Variants in NEDD9 observed in about 807,000 individuals in gnomAD.
NEDD9 encodes neural precursor cell expressed, developmentally down-regulated 9.
NEDD9 carries 26 observed loss-of-function variants against 76.6 expected under a neutral mutation model. The observed-to-expected ratio is 0.34, with a 90% CI of 0.25 to 0.47. The LOEUF is 0.47. Among genes scored for constraint, NEDD9 ranks in the 20% least tolerant of loss-of-function variants. The pLI, the probability that NEDD9 is intolerant of heterozygous loss-of-function variation, is 1.00. For missense variants in NEDD9, 937 were observed against 1,058.5 expected (o/e 0.89, Z 1.59); for synonymous variants, 392 against 414.2 (o/e 0.95, Z 0.65).
intron 1 of NEDD9, among the ~76,000 whole-genome samples, chr6:11,215,736 A>T (rs1218275574): frequency 2.6e-5 from 4 of 152,206 alleles, no homozygotes; most frequent in Admixed American, 2.6e-4. Context: ...ACATGAAATC[A>T]GAAGCAACAG....
chr6:11,211,574 AT>A (rs1017059913), intron 2 of NEDD9, among the ~76,000 whole-genome samples: 3 of 152,094 alleles, frequency 2.0e-5, no homozygotes, highest in African/African-American at 7.2e-5. Context: ...TTCAACTGTT[AT>A]TTTTCCCCTC....
chr6:11,203,659 C>T (rs1758520837), intron 2 of NEDD9, among the ~76,000 whole-genome samples: 1 of 152,136 alleles, frequency 6.6e-6, no homozygotes, highest in South Asian at 2.1e-4. Context: ...CAATGAGTTC[C>T]AGGATGAAGT....
At position 11,190,175 on chromosome 6, in the gene NEDD9, T is replaced by C. The variant is rs139703680; in HGVS notation, c.1694A>G (p.His565Arg). The change falls in exon 5 of 7, where the codon CAT becomes CGT. Residue 565 changes from histidine (H) to arginine (R), a missense_variant. Coordinates refer to ENST00000379446, the MANE Select transcript of NEDD9 (RefSeq NM_006403.4). This position sits in a 1 kb window ranked among gnomAD's most constrained non-coding sequence, Gnocchi z 5.8. ...ALFRPGPGSLHLKNGPESIMN... is the reference protein window; with the variant it reads ...ALFRPGPGSLRLKNGPESIMN... ...GATGCTCTCCGGCCCATTCTTCAGA[T>C]GCAAGCTGCCAGGGCCGGGTCTGAA... 275 of 1,614,218 alleles carry C rather than the reference T, an allele frequency of 1.7e-4. 3 individuals carry two copies. The highest frequency in any genetic ancestry group is 6.7e-5 in the East Asian group (3 of 44,884).
intron 1 of NEDD9, among the ~76,000 whole-genome samples, chr6:11,338,014 G>T (rs931162054): frequency 7.2e-5 from 11 of 152,134 alleles, no homozygotes; most frequent in African/African-American, 2.7e-4. Flanking sequence ...CTCTGGGTAA[G>T]TGTCCCTTGG....
chr6:11,206,436 A>G (rs767359430), intron 2 of NEDD9, among the ~76,000 whole-genome samples: 2 of 152,146 alleles, frequency 1.3e-5, no homozygotes, highest in Non-Finnish European at 2.9e-5. Context: ...AAAAAAAAAG[A>G]TGTGTTCAAC....
intron 1 of NEDD9, among the ~76,000 whole-genome samples, chr6:11,372,084 T>G (rs1436641465): frequency 6.6e-6 from 1 of 152,212 alleles, no homozygotes; most frequent in African/African-American, 2.4e-5. Flanking sequence ...TTACTCATTC[T>G]TTCTATGACT....
intron 2 of NEDD9, among the ~76,000 whole-genome samples, chr6:11,323,412 C>T (rs1182601624): frequency 1.3e-5 from 2 of 152,232 alleles, no homozygotes; most frequent in Admixed American, 6.5e-5. Flanking sequence ...GTGGGAGTGG[C>T]GTCCTCTCAG....
At chr6:11,346,686 G>A (rs1762372482) in intron 1 of NEDD9, among the ~76,000 whole-genome samples, 1 of 152,188 alleles carries the variant, frequency 6.6e-6, no homozygotes, top group Admixed American at 6.5e-5. Context: ...TGGACTGACT[G>A]CTGGTTGAGC....
intron 2 of NEDD9, chr6:11,200,623 A>T: frequency 9.0e-7 from 1 of 1,112,160 alleles, no homozygotes; most frequent in Non-Finnish European, 1.1e-6. Context: ...AGATTTAATC[A>T]TTCCTAAATT....
At chr6:11,305,795 C>T (rs867727541) in intron 3 of NEDD9, 1 of 618,780 alleles carries the variant, frequency 1.6e-6, no homozygotes, top group East Asian at 2.8e-5. Context: ...GCCCTGTGGG[C>T]ATCAGTGCAT....
chr6:11,266,692 G>A (rs975840880), intron 3 of NEDD9, among the ~76,000 whole-genome samples: 3 of 152,232 alleles, frequency 2.0e-5, no homozygotes, highest in Non-Finnish European at 4.4e-5. Flanking sequence ...GGAATGGGAA[G>A]TTGTAACCAG....
chr6:11,357,844 C>T lies in NEDD9; in HGVS notation c.-213-23283G>A, dbSNP rs1014193380. Among the ~76,000 whole-genome samples, 7 of 152,262 alleles carry T rather than the reference C, an allele frequency of 4.6e-5. No individual in the cohort carries two copies. The South Asian group carries it at 1.0e-3, about 23-fold the overall frequency. ...CTTTTCTACGTCAGTTCTACAAGATCGGCCTAGCTGAATGGCAGTGAGTCT... is the reference window on the plus strand; with the variant it reads ...CTTTTCTACGTCAGTTCTACAAGATTGGCCTAGCTGAATGGCAGTGAGTCT... On this transcript the variant is annotated intron_variant, in intron 1 of 3. Coordinates refer to the NEDD9 transcript ENST00000397378.
At chr6:11,344,238 G>T (rs1232405513) in intron 1 of NEDD9, among the ~76,000 whole-genome samples, 2 of 152,134 alleles carry the variant, frequency 1.3e-5, no homozygotes, top group Admixed American at 6.5e-5. Flanking sequence ...GAATGTGAGC[G>T]CAATTCCACA....
rs541044673 is a variant in NEDD9, at chr6:11,365,804, A to C, written c.-214+16335T>G. ...TCAGGAATTCAAGACTAGCCTGGCC[A>C]ACATGGTGAAACCCTGTCTCTACTA... On this transcript the variant is annotated intron_variant, in intron 1 of 3. Coordinates refer to the NEDD9 transcript ENST00000397378. Among the ~76,000 whole-genome samples, 13 of 152,128 alleles carry C rather than the reference A, an allele frequency of 8.5e-5. No individual in the cohort carries two copies. In the South Asian group the frequency reaches 2.5e-3, roughly 29 times the overall value.
At chr6:11,379,913 C>G (rs946611840) in intron 1 of NEDD9, among the ~76,000 whole-genome samples, 10 of 152,178 alleles carry the variant, frequency 6.6e-5, no homozygotes, top group African/African-American at 2.4e-4. Flanking sequence ...TATTTGTGTT[C>G]CACACTTCAG....
intron 1 of NEDD9, among the ~76,000 whole-genome samples, chr6:11,381,660 C>T (rs1469570528): frequency 9.9e-5 from 15 of 152,282 alleles, no homozygotes; most frequent in East Asian, 9.6e-4. Flanking sequence ...GGATAGGACA[C>T]GCACAGAATC....
At chr6:11,368,487 T>C (rs116451235) in intron 1 of NEDD9, among the ~76,000 whole-genome samples, 1,723 of 152,294 alleles carry the variant, frequency 0.011, 17 homozygotes, top group Non-Finnish European at 0.021. Context: ...TTTCCAACTT[T>C]AAACCCACTT....
intron 3 of NEDD9, among the ~76,000 whole-genome samples, chr6:11,282,542 A>G (rs1048958958): frequency 6.6e-6 from 1 of 152,258 alleles, no homozygotes; most frequent in African/African-American, 2.4e-5. Flanking sequence ...TCACATGTCC[A>G]GAACAGACTT....
Position 11,319,617 on chromosome 6 carries a change from T to TCA in NEDD9, c.-152-13464_-152-13463dup, listed in dbSNP as rs372350542. Among the ~76,000 whole-genome samples the TCA allele has an allele frequency of 4.1e-3, 360 of 88,476 alleles. 1 individual carries two copies. Among genetic ancestry groups the TCA allele is most frequent in the African/African-American group, 0.014 (288 of 20,860 alleles). 58.0% of individuals were successfully genotyped at this position (88,476 alleles called of 152,430 possible). A position where few individuals can be genotyped will look rare whatever the true frequency, so the allele number is the denominator to read the frequency against. On this transcript the variant is annotated intron_variant, in intron 2 of 3. Coordinates refer to the NEDD9 transcript ENST00000397378. ...ACACACTAACCATGCACACTCACACTCACACACACACACACTAACATGCAC... is the reference window on the plus strand; with the variant it reads ...ACACACTAACCATGCACACTCACACTCACACACACACACACACTAACATGCAC...
Sources: allele counts gnomAD v4.1 joint callset (sites outside exome capture counted in the v4.1 genomes callset), GRCh38; gene constraint gnomAD v4.1.1; non-coding constraint Gnocchi (gnomAD v3.1); transcripts MANE v1.5; gene names NCBI Gene and HGNC (gene_info 2026-07-23, HGNC 2026-07-21).